TENT4A: variants seen among roughly 807,000 people sequenced by gnomAD.
TENT4A encodes the protein DNA polymerase kappa.
TENT4A carries 7 observed loss-of-function variants against 72.8 expected under a neutral mutation model. That is an observed-to-expected ratio of 0.10 (90% CI 0.05 to 0.18). TENT4A has a LOEUF of 0.18. Ranked by LOEUF, TENT4A falls within the 10% of genes least tolerant of loss-of-function variation. TENT4A has a pLI of 1.00. For synonymous variants in TENT4A, 456 were observed against 434.3 expected, an observed-to-expected ratio of 1.05 and a Z score of -0.62; for missense variants, 831 against 1,017.7, an observed-to-expected ratio of 0.82 and a Z score of 2.50.
rs1579503273 is a variant in TENT4A at position 6,752,759 on chromosome 5, C to A, written c.2020-114C>A. On this transcript the variant is annotated intron_variant, in intron 11 of 12. Coordinates refer to ENST00000230859, the MANE Select transcript of TENT4A (RefSeq NM_006999.6). ...AGTAAAACAGACTGCTCTATGGAGCCCACATGCAACTGTGCCATTTATCAG... is the reference window on the plus strand; with the variant it reads ...AGTAAAACAGACTGCTCTATGGAGCACACATGCAACTGTGCCATTTATCAG... The A allele has an allele frequency of 1.2e-4, 96 of 806,704 alleles. 1 individual carries two copies. The East Asian group carries it at 2.4e-3, about 20-fold the overall frequency. 50.0% of individuals were successfully genotyped at this position (806,704 alleles called of 1,614,324 possible).
intron 1 of TENT4A, among the ~76,000 whole-genome samples, chr5:6,735,840 A>T (rs1741456851): frequency 6.7e-6 from 1 of 150,098 alleles, no homozygotes; most frequent in South Asian, 2.1e-4. Flanking sequence ...GGCCCACTGC[A>T]GCCTCTGCCT....
rs1194292897 is a variant in TENT4A, at chr5:6,738,743, T to C, written c.887+14T>C. 6.3e-7 allele frequency: 1 copy of C among 1,596,406 alleles called. No homozygotes were observed. On this transcript the variant is annotated intron_variant, in intron 3 of 12. Transcript: ENST00000230859. ...TCTTCCAACTAGGTGAGTACCAGAC[T>C]GCATGGCATGGGCTAGTGGGGGGCT...
In TENT4A at chr5:6,714,119, C is replaced by T; in HGVS notation, c.136C>T (p.Pro46Ser). Residue 46 changes from proline (P) to serine (S), a missense_variant, in exon 1 of 13, where the codon CCG (proline) becomes TCG (serine). This residue lies in a region of TENT4A where 302 missense variants were observed against 293.8 expected (regional missense o/e 1.03). Coordinates refer to ENST00000230859, the MANE Select transcript of TENT4A (RefSeq NM_006999.6). ...CGCGTCCTATTTCTGCCTCAACTCG[C>T]CGGCGCTGGACACGGCGGCCGCGGC... ...GFASYFCLNSPALDTAAAAGA... is the reference protein window; with the variant it reads ...GFASYFCLNSSALDTAAAAGA... The T allele has an allele frequency of 1.0e-6, 1 of 981,494 alleles. No homozygotes were observed. The highest frequency in any genetic ancestry group is 1.2e-6 in the Non-Finnish European group (1 of 829,024). The allele number at this position is 981,494 out of a possible 1,614,324, so 60.8% of individuals were successfully genotyped here.
At chr5:6,753,708 C>G (rs898222014) in intron 12 of TENT4A, among the ~76,000 whole-genome samples, 2 of 152,258 alleles carry the variant, frequency 1.3e-5, no homozygotes, top group Non-Finnish European at 2.9e-5. Flanking sequence ...GGTGTCCACA[C>G]CTCTTTATTC....
chr5:6,730,756 A>T (rs1035206548), intron 1 of TENT4A, among the ~76,000 whole-genome samples: 7 of 27,652 alleles, frequency 2.5e-4, no homozygotes, highest in Non-Finnish European at 1.4e-4. Context: ...GCCTTAATTT[A>T]AAAAAAAAAA....
rs1180480415 is a variant in TENT4A at position 6,714,449 on chromosome 5, G to T, written c.466G>T (p.Ala156Ser). 8.5e-7 allele frequency: 1 copy of T among 1,174,592 alleles called. No individual in the cohort carries two copies. Among genetic ancestry groups the T allele is most frequent in the Non-Finnish European group, 1.1e-6 (1 of 951,604 alleles). 72.8% of individuals were successfully genotyped at this position (1,174,592 alleles called of 1,614,324 possible). A position where few individuals can be genotyped will look rare whatever the true frequency, so the allele number is the denominator to read the frequency against. The change falls in exon 1 of 13, where the codon GCG (alanine) becomes TCG (serine). Residue 156 changes from alanine to serine, a missense_variant. Physicochemically the swap from Ala to Ser is moderately conservative, Grantham distance 99. Around this residue, in one of 3 missense-constraint regions of TENT4A, gnomAD observed 302 missense variants for 293.8 expected, o/e 1.03. Transcript: ENST00000230859. The stretch of plus-strand genomic sequence containing the variant: ...CGCCTTCTTCAACTTCGCCGACGGC[G>T]CGCCCAGCGCCCCTGGCACAGCCAA... ...GGAFFNFADG[A>S]PSAPGTANGH...
chr5:6,735,202 C>T (rs1193800372), intron 1 of TENT4A, among the ~76,000 whole-genome samples: 1 of 152,216 alleles, frequency 6.6e-6, no homozygotes, highest in Non-Finnish European at 1.5e-5. Context: ...GGCATTCTTC[C>T]ATGACTTTGG....
intron 10 of TENT4A, 133 bp from the exon 11 acceptor site, chr5:6,750,906 C>G (rs1052272588): frequency 2.1e-6 from 2 of 954,012 alleles, no homozygotes; most frequent in Non-Finnish European, 3.2e-6. Flanking sequence ...GCTGCCTGTT[C>G]AGAAGTTAGA....
At chr5:6,715,979 A>C (rs1740366579) in intron 1 of TENT4A, among the ~76,000 whole-genome samples, 1 of 152,080 alleles carries the variant, frequency 6.6e-6, no homozygotes, top group Non-Finnish European at 1.5e-5. Flanking sequence ...ATATATACCT[A>C]AGGGCTCGCT....
intron 12 of TENT4A, among the ~76,000 whole-genome samples, chr5:6,753,416 C>T (rs373019904): frequency 6.6e-6 from 1 of 152,206 alleles, no homozygotes; most frequent in African/African-American, 2.4e-5. Flanking sequence ...CATGATGTCC[C>T]GTGTATGCTG....
chr5:6,751,735 A>G (rs1742418098), intron 11 of TENT4A, among the ~76,000 whole-genome samples: 1 of 152,390 alleles, frequency 6.6e-6, no homozygotes, highest in South Asian at 2.1e-4. Flanking sequence ...TAAATTTTGT[A>G]TCTACTTGCG....
chr5:6,739,813 G>A lies in TENT4A; in HGVS notation c.969G>A (p.Val323=). Residue 323 remains valine (V), a synonymous_variant, in exon 4 of 13, where the codon GTG becomes GTA. Coordinates refer to ENST00000230859, the MANE Select transcript of TENT4A (RefSeq NM_006999.6). The part of the protein sequence containing the change: ...LLEQALRKHN[V]AEPCSIKVLD... ...AGCAAGCCCTGCGGAAGCACAACGT[G>A]GCTGAGCCGTGTTCCATCAAAGTCC... 6.2e-7 allele frequency: 1 copy of A among 1,614,226 alleles called. No individual in the cohort carries two copies. The highest frequency in any genetic ancestry group is 8.5e-7 in the Non-Finnish European group (1 of 1,180,024).
intron 7 of TENT4A, among the ~76,000 whole-genome samples, chr5:6,748,254 C>T (rs1253612784): frequency 6.6e-6 from 1 of 152,244 alleles, no homozygotes. Context: ...CACTCACAGA[C>T]TGTGCCCTGT....
At chr5:6,737,435 C>A in intron 1 of TENT4A, 75 bp from the exon 2 acceptor site, 1 of 1,321,162 alleles carries the variant, frequency 7.6e-7, no homozygotes, top group South Asian at 1.4e-5. Flanking sequence ...GAGCGTCATC[C>A]TGATGTAAGA....
chr5:6,713,924 G>T lies in TENT4A; in HGVS notation c.-60G>T, dbSNP rs1463252029. 3.0e-5 allele frequency: 22 copies of T among 731,242 alleles called. No homozygotes were observed. Among genetic ancestry groups the T allele is most frequent in the Admixed American group, 6.5e-5 (1 of 15,382 alleles). 45.3% of individuals were successfully genotyped at this position (731,242 alleles called of 1,614,324 possible). A position where few individuals can be genotyped will look rare whatever the true frequency, so the allele number is the denominator to read the frequency against. Reference sequence around the variant, plus strand: ...GCGCGCGGCCGGGCCTCGGGGCGCGGCGGGGGCGGGGCCGCGTCGGGGCGG... The same window carrying T: ...GCGCGCGGCCGGGCCTCGGGGCGCGTCGGGGGCGGGGCCGCGTCGGGGCGG... On this transcript the variant is annotated 5_prime_UTR_variant, in exon 1 of 13. Coordinates refer to ENST00000230859, the MANE Select transcript of TENT4A (RefSeq NM_006999.6).
At chr5:6,722,293 C>T (rs1740691954) in intron 1 of TENT4A, among the ~76,000 whole-genome samples, 1 of 152,180 alleles carries the variant, frequency 6.6e-6, no homozygotes, top group South Asian at 2.1e-4. Flanking sequence ...GCCCTTTTCT[C>T]CTCTCTTTAA....
intron 2 of TENT4A, 130 bp from the exon 3 acceptor site, chr5:6,738,553 C>T (rs1341937769): frequency 2.7e-6 from 2 of 731,210 alleles, no homozygotes; most frequent in Non-Finnish European, 4.9e-6. Context: ...ACGGTCCCCT[C>T]CATCAGTTTC....
At position 6,714,343 on chromosome 5, in the gene TENT4A, G is replaced by C; in HGVS notation, c.360G>C (p.Glu120Asp). ...SSSSSSSSNA[E>D]SGTESPGCSS... ...CGTCGTCCTCCTCGTCCAACGCGGA[G>C]TCGGGCACCGAGAGCCCCGGCTGCT... Residue 120 changes from glutamate to aspartate, a missense_variant, in exon 1 of 13, where the codon GAG (glutamate) becomes GAC (aspartate). This residue lies in a region of TENT4A where 302 missense variants were observed against 293.8 expected (regional missense o/e 1.03). Transcript: ENST00000230859. 6 of 1,135,006 alleles carry C rather than the reference G, an allele frequency of 5.3e-6. No homozygotes were observed. Among genetic ancestry groups the C allele is most frequent in the Non-Finnish European group, 6.5e-6 (6 of 926,334 alleles). The allele number at this position is 1,135,006 out of a possible 1,614,324, so 70.3% of individuals were successfully genotyped here.
At chr5:6,745,476 A>G (rs1742037518) in intron 6 of TENT4A, among the ~76,000 whole-genome samples, 1 of 152,192 alleles carries the variant, frequency 6.6e-6, no homozygotes, top group Non-Finnish European at 1.5e-5. Context: ...ACATGTGGCT[A>G]CTGAGTATTG....
Sources: allele counts gnomAD v4.1 joint callset (sites outside exome capture counted in the v4.1 genomes callset), GRCh38; gene constraint gnomAD v4.1.1; regional missense constraint gnomAD v4.1.1; transcripts MANE v1.5; gene names NCBI Gene and HGNC (gene_info 2026-07-23, HGNC 2026-07-21).